GLI2: variants seen among roughly 807,000 people sequenced by gnomAD.
GLI2 encodes GLI family zinc finger 2, also known as transcription activator GLI2.
A neutral mutation model predicts 78.9 loss-of-function variants in GLI2; 22 were observed. That is an observed-to-expected ratio of 0.28 (90% CI 0.20 to 0.40). The LOEUF (loss-of-function observed/expected upper bound fraction) is 0.40, where lower values mean the gene tolerates loss of function less well. Ranked by LOEUF, GLI2 falls within the 10% of genes least tolerant of loss-of-function variation. GLI2 has a pLI of 1.00. For synonymous variants in GLI2, 974 were observed against 963.7 expected (o/e 1.01, Z -0.20); for missense variants, 2,097 against 2,213.2 (o/e 0.95, Z 1.05).
intron 1 of GLI2, among the ~76,000 whole-genome samples, chr2:120,761,066 C>G (rs1309433212): frequency 6.6e-6 from 1 of 152,162 alleles, no homozygotes; most frequent in African/African-American, 2.4e-5. Flanking sequence ...CATTTCTTTC[C>G]ATCTATGGCT....
At chr2:120,776,221 C>T (rs926736838) in intron 1 of GLI2, among the ~76,000 whole-genome samples, 6 of 152,204 alleles carry the variant, frequency 3.9e-5, no homozygotes, top group Non-Finnish European at 8.8e-5. Flanking sequence ...TTCGCAGCAC[C>T]GGACATGTTG....
At chr2:120,925,002 AACTT>A (rs1223519166) in intron 2 of GLI2, among the ~76,000 whole-genome samples, 1 of 152,242 alleles carries the variant, frequency 6.6e-6, no homozygotes, top group African/African-American at 2.4e-5. Context: ...GAGGCAAAGA[AACTT>A]ACAAAAGTCA....
At chr2:120,975,737 T>C (rs765601226) in intron 9 of GLI2, among the ~76,000 whole-genome samples, 1 of 152,082 alleles carries the variant, frequency 6.6e-6, no homozygotes, top group Non-Finnish European at 1.5e-5. Flanking sequence ...CATTCCAAAC[T>C]CTCATACTGC....
At position 120,978,570 on chromosome 2, in the gene GLI2, C is replaced by T; in HGVS notation, c.1454C>T (p.Pro485Leu). ...VHMRRHTGEKPHKCTFEGCSK... is the reference protein window; with the variant it reads ...VHMRRHTGEKLHKCTFEGCSK... ...ATGCGGCGACACACGGGCGAGAAGC[C>T]CCACAAGTGCACGGTGAGTGGCCTT... Residue 485 changes from proline (P) to leucine (L), a missense_variant, in exon 10 of 14, where the codon CCC becomes CTC. Coordinates refer to ENST00000361492, the MANE Select transcript of GLI2 (RefSeq NM_001374353.1). The T allele has an allele frequency of 1.9e-6, 3 of 1,613,826 alleles. No individual in the cohort carries two copies. The highest frequency in any genetic ancestry group is 2.5e-6 in the Non-Finnish European group (3 of 1,179,980).
intron 2 of GLI2, among the ~76,000 whole-genome samples, chr2:120,802,840 T>C (rs898262893): frequency 6.6e-6 from 1 of 152,222 alleles, no homozygotes; most frequent in African/African-American, 2.4e-5. Context: ...CTGGGCCAGG[T>C]GTCCTCCCAG....
intron 2 of GLI2, among the ~76,000 whole-genome samples, chr2:120,906,374 C>T (rs1027989887): frequency 1.3e-5 from 2 of 152,146 alleles, no homozygotes; most frequent in Non-Finnish European, 2.9e-5. Flanking sequence ...CCCTGGACTC[C>T]AGGCAGGCTG....
In GLI2 at chr2:120,989,099, T is replaced by TTCCAGACGACGTGGTGCA; in HGVS notation, c.3135_3152dup (p.Val1050_Gln1051insHisProAspAspValVal). 6.2e-7 allele frequency: 1 copy of TTCCAGACGACGTGGTGCA among 1,612,604 alleles called. No individual in the cohort carries two copies. The highest frequency in any genetic ancestry group is 8.5e-7 in the Non-Finnish European group (1 of 1,179,896). ...GGGCTGCCGGAGGACGACCTGGTGC[T>TTCCAGACGACGTGGTGCA]TCCAGACGACGTGGTGCAGTACATC... is the stretch of plus-strand genomic sequence containing the variant. On this transcript the variant is annotated inframe_insertion, in exon 14 of 14. Coordinates refer to ENST00000361492, the MANE Select transcript of GLI2 (RefSeq NM_001374353.1).
At position 120,814,983 on chromosome 2, in the gene GLI2, C is replaced by T. The variant is rs1685427321; in HGVS notation, c.148+17515C>T. The stretch of plus-strand genomic sequence containing the variant: ...CAAAGACAAGGGCCAGTGTCCTGTC[C>T]TGTCCTGTCCTGTTGATGCCAGCGT... On this transcript the variant is annotated intron_variant, in intron 2 of 13. Coordinates refer to ENST00000361492, the MANE Select transcript of GLI2 (RefSeq NM_001374353.1). 2.6e-5 allele frequency among the ~76,000 whole-genome samples: 4 copies of T among 152,236 alleles called. No individual in the cohort carries two copies. In the South Asian group the frequency reaches 8.3e-4, roughly 32 times the overall value.
chr2:120,748,937 C>T (rs1243854227), intron 1 of GLI2, among the ~76,000 whole-genome samples: 2 of 151,956 alleles, frequency 1.3e-5, no homozygotes, highest in African/African-American at 2.4e-5. Context: ...TTCATCCATC[C>T]ATCTACCCAT....
chr2:120,931,698 G>A (rs72955389), intron 3 of GLI2, among the ~76,000 whole-genome samples: 4,340 of 152,300 alleles, frequency 0.028, 68 homozygotes, highest in Middle Eastern at 0.048. Context: ...TGAGATGGGG[G>A]TTAAGCTTCA....
At chr2:120,821,825 C>T (rs183981519) in intron 2 of GLI2, among the ~76,000 whole-genome samples, 2 of 152,318 alleles carry the variant, frequency 1.3e-5, no homozygotes, top group East Asian at 3.9e-4. Flanking sequence ...TGCTGAGGCT[C>T]TTCACCAGGG....
At chr2:120,777,170 T>C (rs999519126) in intron 1 of GLI2, among the ~76,000 whole-genome samples, 1 of 152,188 alleles carries the variant, frequency 6.6e-6, no homozygotes, top group Non-Finnish European at 1.5e-5. Flanking sequence ...TAGGAACATA[T>C]GACTATGCGT....
At position 120,870,132 on chromosome 2, in the gene GLI2, C is replaced by A. The variant is rs115747446; in HGVS notation, c.149-57229C>A. Among the ~76,000 whole-genome samples the A allele has an allele frequency of 6.1e-3, 922 of 152,318 alleles. 7 individuals are homozygous for A. The highest frequency in any genetic ancestry group is 0.021 in the African/African-American group (865 of 41,578). ...GGTCTCACCCGTGCTCCCTCACCCC[C>A]TTGCCCCTTCGTCCAGACACCTGGC... is the stretch of plus-strand genomic sequence containing the variant. On this transcript the variant is annotated intron_variant, in intron 2 of 13. Transcript: ENST00000361492.
chr2:120,992,031 CA>C lies in GLI2; in HGVS notation c.*1357del, dbSNP rs1198799877. The C allele has an allele frequency of 2.6e-5, 4 of 153,382 alleles. No individual in the cohort carries two copies. The highest frequency in any genetic ancestry group is 7.3e-5 in the African/African-American group (3 of 41,200). The allele number at this position is 153,382 out of a possible 1,614,324, so 9.5% of individuals were successfully genotyped here. The stretch of plus-strand genomic sequence containing the variant: ...ATACACACACACACACACACACACA[CA>C]CACACACACACACACACACCCCAAA... On this transcript the variant is annotated 3_prime_UTR_variant, in exon 14 of 14. Coordinates refer to ENST00000361492, the MANE Select transcript of GLI2 (RefSeq NM_001374353.1).
intron 9 of GLI2, among the ~76,000 whole-genome samples, chr2:120,975,353 T>C (rs1441151721): frequency 6.6e-6 from 1 of 152,178 alleles, no homozygotes; most frequent in African/African-American, 2.4e-5. Flanking sequence ...AATGAGACTG[T>C]CAGGGAAAAG....
chr2:120,795,212 C>T (rs1297744392), intron 1 of GLI2, among the ~76,000 whole-genome samples: 2 of 140,694 alleles, frequency 1.4e-5, no homozygotes, highest in Non-Finnish European at 3.1e-5. Context: ...ACAGGAGAGA[C>T]CCTGTCTCTT....
In GLI2 at chr2:120,766,164, T is replaced by C. The variant is rs1013267584; in HGVS notation, c.-31+29879T>C. ...GAGTTATCCCTGCTGTTCTTCAGCATGTCTGCAGCCAGCTGACCCTCTGTG... is the reference window on the plus strand; with the variant it reads ...GAGTTATCCCTGCTGTTCTTCAGCACGTCTGCAGCCAGCTGACCCTCTGTG... On this transcript the variant is annotated intron_variant, in intron 1 of 13. Coordinates refer to ENST00000361492, the MANE Select transcript of GLI2 (RefSeq NM_001374353.1). Among the ~76,000 whole-genome samples, 24 of 152,266 alleles carry C rather than the reference T, an allele frequency of 1.6e-4. No individual in the cohort carries two copies. The East Asian group carries it at 4.3e-3, about 27-fold the overall frequency.
intron 2 of GLI2, among the ~76,000 whole-genome samples, chr2:120,906,731 C>T (rs1385701207): frequency 6.6e-6 from 1 of 152,134 alleles, no homozygotes; most frequent in Non-Finnish European, 1.5e-5. Flanking sequence ...CAAAACAGGC[C>T]TTCTCCCCTG....
chr2:120,902,774 C>A (rs1357229696), intron 2 of GLI2, among the ~76,000 whole-genome samples: 1 of 152,210 alleles, frequency 6.6e-6, no homozygotes, highest in African/African-American at 2.4e-5. Flanking sequence ...GGTTGGAGTT[C>A]ACCCTCAGCA....
Sources: gnomAD v4.1 joint callset for allele counts (sites outside exome capture counted in the v4.1 genomes callset) on GRCh38, gnomAD v4.1.1 for gene constraint, MANE v1.5 for transcripts, NCBI Gene and HGNC (gene_info 2026-07-23, HGNC 2026-07-21) for gene names.